The following RHCE variants were observed in gnomAD, a reference collection of about 807,000 sequenced individuals.
The protein encoded by RHCE is Rh blood group CcEe antigens.
RHCE carries 22 observed loss-of-function variants against 43.8 expected under a neutral mutation model. The ratio of observed to expected loss-of-function variants is 0.50; its 90% CI spans 0.36 to 0.72. The LOEUF is 0.72. Ranked by LOEUF, RHCE falls within the 30% of genes least tolerant of loss-of-function variation. The probability of loss-of-function intolerance (pLI) is 0.00; values close to 1 mark genes in which losing one functional copy is unlikely to be tolerated. For synonymous variants in RHCE, 156 were observed against 210.7 expected, an observed-to-expected ratio of 0.74 and a Z score of 2.25; for missense variants, 385 against 525.4, an observed-to-expected ratio of 0.73 and a Z score of 2.61.
Position 25,362,522 on chromosome 1 carries a change from T to G in RHCE, c.*5A>C. On this transcript the variant is annotated 3_prime_UTR_variant, in exon 10 of 10. Transcript: ENST00000294413. ...ACAGGCCTTGTTTTTCTTGGATGCT[T>G]TTGCTTAAAATCCAACAGCCAAATG... The G allele has an allele frequency of 3.7e-6, 6 of 1,600,200 alleles. No individual in the cohort carries two copies. The highest frequency in any genetic ancestry group is 4.3e-6 in the Non-Finnish European group (5 of 1,171,528).
chr1:25,425,504 A>T (rs539288660), upstream of RHCE, among the ~76,000 whole-genome samples: 1 of 152,284 alleles, frequency 6.6e-6, no homozygotes, highest in East Asian at 1.9e-4. Flanking sequence ...TCTGCCTCCC[A>T]AGTTACTAAA....
intron 7 of RHCE, among the ~76,000 whole-genome samples, chr1:25,379,893 G>A (rs933082100): frequency 2.6e-5 from 4 of 152,018 alleles, no homozygotes; most frequent in African/African-American, 9.7e-5. Context: ...GCCTAGGCTG[G>A]TCTTGAACTC....
In RHCE at chr1:25,362,308, T is replaced by A. The variant is rs1395992939; in HGVS notation, c.*219A>T. The A allele has an allele frequency of 9.6e-7, 1 of 1,044,800 alleles. No homozygotes were observed. Among genetic ancestry groups the A allele is most frequent in the African/African-American group, 1.6e-5 (1 of 61,582 alleles). 64.7% of individuals were successfully genotyped at this position (1,044,800 alleles called of 1,614,324 possible). On this transcript the variant is annotated 3_prime_UTR_variant, in exon 10 of 10. Coordinates refer to ENST00000294413, the MANE Select transcript of RHCE (RefSeq NM_020485.8). ...AACCAAGAAAATATTGATAGCATCA[T>A]CCTAATGAAACTAAACATTTATTTT...
chr1:25,392,923 G>A (rs544685131), intron 3 of RHCE, among the ~76,000 whole-genome samples: 1 of 152,172 alleles, frequency 6.6e-6, no homozygotes, highest in South Asian at 2.1e-4. Flanking sequence ...AAACCCACAT[G>A]GACACGCACT....
chr1:25,389,968 T>G (rs983985374), intron 5 of RHCE, among the ~76,000 whole-genome samples: 1 of 152,120 alleles, frequency 6.6e-6, no homozygotes, highest in Non-Finnish European at 1.5e-5. Flanking sequence ...TCATGGCCAC[T>G]CACTTCCTCT....
chr1:25,422,800 G>T (rs2982362), upstream of RHCE, among the ~76,000 whole-genome samples: 22 of 151,756 alleles, frequency 1.4e-4, no homozygotes, highest in African/African-American at 3.9e-4. Flanking sequence ...GAGGGATGGT[G>T]TGGGGATGAA....
At chr1:25,425,171 A>AG (rs2042796248), upstream of RHCE, among the ~76,000 whole-genome samples, 1 of 152,222 alleles carries the variant, frequency 6.6e-6, no homozygotes, top group South Asian at 2.1e-4. Context: ...ACATAAAGAC[A>AG]GGGACTTTTG....
At chr1:25,429,012 G>A (rs889001419) in exon 2 of RHCE, 5 of 152,214 alleles carry the variant, frequency 3.3e-5, no homozygotes, top group Non-Finnish European at 5.9e-5. Context: ...GATGCCCTTC[G>A]AAACAGAATG....
Position 25,402,589 on chromosome 1 carries a change from G to A in RHCE, c.486+7C>T. 3 of 1,613,960 alleles carry A rather than the reference G, an allele frequency of 1.9e-6. No individual in the cohort carries two copies. Among genetic ancestry groups the A allele is most frequent in the Non-Finnish European group, 2.5e-6 (3 of 1,180,016 alleles). On this transcript the variant is annotated splice_region_variant and intron_variant, in intron 3 of 9. Coordinates refer to ENST00000294413, the MANE Select transcript of RHCE (RefSeq NM_020485.8). ...CCCAGGTCCCTCCTCCCAGCACCAT[G>A]ACTCACGTTGAAGATATTACTGATG...
intron 2 of RHCE, among the ~76,000 whole-genome samples, chr1:25,403,435 A>G (rs996477450): frequency 6.6e-6 from 1 of 152,170 alleles, no homozygotes; most frequent in Non-Finnish European, 1.5e-5. Context: ...AACTCCTGAA[A>G]AGACACTAGC....
At chr1:25,419,024 G>T (rs2042685065) in intron 1 of RHCE, among the ~76,000 whole-genome samples, 1 of 152,198 alleles carries the variant, frequency 6.6e-6, no homozygotes, top group Non-Finnish European at 1.5e-5. Context: ...TAAGTGTAAG[G>T]AAACTAAATC....
upstream of RHCE, among the ~76,000 whole-genome samples, chr1:25,421,779 A>C (rs112532987): frequency 6.6e-6 from 1 of 152,218 alleles, no homozygotes; most frequent in African/African-American, 2.4e-5. Context: ...GGAGGGAGGA[A>C]GGGATGAAAG....
At chr1:25,371,313 G>T (rs943569984) in intron 8 of RHCE, among the ~76,000 whole-genome samples, 1 of 151,498 alleles carries the variant, frequency 6.6e-6, no homozygotes, top group African/African-American at 2.4e-5. Flanking sequence ...TAGGAAAGTA[G>T]CTTATAACTT....
chr1:25,416,041 A>G (rs1647391672), intron 1 of RHCE, among the ~76,000 whole-genome samples: 1 of 150,990 alleles, frequency 6.6e-6, no homozygotes, highest in African/African-American at 2.4e-5. Context: ...AGGCTATTCT[A>G]TCTCTAAAGG....
chr1:25,413,092 CT>C (rs912686148), intron 1 of RHCE, among the ~76,000 whole-genome samples: 2 of 152,138 alleles, frequency 1.3e-5, no homozygotes, highest in Non-Finnish European at 2.9e-5. Context: ...GCTGCTGCCC[CT>C]GATCCCGATT....
intron 7 of RHCE, among the ~76,000 whole-genome samples, chr1:25,380,020 C>A (rs1252844850): frequency 1.3e-5 from 2 of 149,574 alleles, no homozygotes; most frequent in African/African-American, 2.5e-5. Context: ...ACTCAAAATT[C>A]CAAAGTCCAT....
chr1:25,392,012 T>C lies in RHCE; in HGVS notation c.616A>G (p.Ser206Gly). The C allele has an allele frequency of 6.2e-7, 1 of 1,614,084 alleles. No homozygotes were observed. The highest frequency in any genetic ancestry group is 8.5e-7 in the Non-Finnish European group (1 of 1,180,000). Residue 206 changes from serine to glycine, a missense_variant, in exon 4 of 10, where the codon AGT becomes GGT. Physicochemically the swap from Ser to Gly is moderately conservative, Grantham distance 56. Around this residue, in one of 6 missense-constraint regions of RHCE, gnomAD observed 110 missense variants for 103.4 expected, o/e 1.06. Transcript: ENST00000294413. ...EDNDQRATIP[S>G]LSAMLGALFL... ...TCCTTACCCAGCATGGCAGACAAAC[T>C]GGGTATCGTTGCTCTCTGATCATTA...
chr1:25,411,550 C>T, intron 1 of RHCE: 2 of 1,292,566 alleles, frequency 1.5e-6, no homozygotes, highest in Non-Finnish European at 1.0e-6. Flanking sequence ...TAGGAGACCC[C>T]CAAGGACCTC....
At chr1:25,412,747 G>A (rs182873136) in intron 1 of RHCE, among the ~76,000 whole-genome samples, 6,465 of 145,836 alleles carry the variant, frequency 0.044, 438 homozygotes, top group African/African-American at 0.14. Context: ...AAAAAAGGCC[G>A]GGCACAGTGG....
Sources: gnomAD v4.1 joint callset for allele counts (sites outside exome capture counted in the v4.1 genomes callset) on GRCh38, gnomAD v4.1.1 for gene constraint, gnomAD v4.1.1 regional missense constraint, MANE v1.5 for transcripts, NCBI Gene and HGNC (gene_info 2026-07-23, HGNC 2026-07-21) for gene names.